SPATA22: variants seen among roughly 807,000 people sequenced by gnomAD.
SPATA22 encodes spermatogenesis associated 22.
Under a neutral mutation model 47.8 loss-of-function variants are expected in SPATA22, and 29 were observed. That is an observed-to-expected ratio of 0.61 (90% CI 0.45 to 0.83). The LOEUF (loss-of-function observed/expected upper bound fraction) is 0.83. Ranked by LOEUF, SPATA22 falls within the 40% of genes least tolerant of loss-of-function variation. SPATA22 has a pLI of 0.00. For missense variants in SPATA22, 410 were observed against 421.7 expected (o/e 0.97, Z 0.24); for synonymous variants, 133 against 140.9 (o/e 0.94, Z 0.40).
intron 1 of SPATA22, among the ~76,000 whole-genome samples, chr17:3,508,412 C>A (rs190900777): frequency 1.5e-4 from 23 of 151,856 alleles, no homozygotes; most frequent in South Asian, 1.0e-3. Context: ...ATATACCCAA[C>A]GGACTATAAA....
At chr17:3,471,855 A>C (rs1028821036), upstream of SPATA22, 4 of 985,488 alleles carry the variant, frequency 4.1e-6, no homozygotes, top group Non-Finnish European at 4.8e-6. Context: ...GCGCAGGCGC[A>C]GTGGCCGCCA....
At chr17:3,498,554 C>A (rs2073946461) in intron 1 of SPATA22, among the ~76,000 whole-genome samples, 1 of 152,016 alleles carries the variant, frequency 6.6e-6, no homozygotes, top group Admixed American at 6.6e-5. Flanking sequence ...TCTGTGTTGC[C>A]CAGGCTGGTT....
intron 1 of SPATA22, among the ~76,000 whole-genome samples, chr17:3,505,760 T>G (rs866580807): frequency 3.0e-4 from 7 of 23,646 alleles, no homozygotes; most frequent in Non-Finnish European, 1.7e-3. Context: ...TTTTTTGTTT[T>G]TTTTTTTTTG....
At chr17:3,443,493 T>G (rs11657154) in intron 7 of SPATA22, among the ~76,000 whole-genome samples, 48,515 of 151,882 alleles carry the variant, frequency 0.32, 10,344 homozygotes, top group Non-Finnish European at 0.48. Flanking sequence ...ACAGATTATA[T>G]GCCAAGCTCA....
intron 3 of SPATA22, among the ~76,000 whole-genome samples, chr17:3,464,875 T>C (rs1241198817): frequency 2.1e-5 from 2 of 95,396 alleles, no homozygotes; most frequent in Admixed American, 9.5e-5. Flanking sequence ...AGCCACCCCG[T>C]CTGGGAGGGG....
At chr17:3,508,866 A>G (rs1320295223) in intron 1 of SPATA22, among the ~76,000 whole-genome samples, 2 of 145,708 alleles carry the variant, frequency 1.4e-5, no homozygotes, top group Non-Finnish European at 3.0e-5. Flanking sequence ...TAACCTGCAC[A>G]TCGTACACAT....
intron 5 of SPATA22, among the ~76,000 whole-genome samples, chr17:3,455,633 C>A (rs2072971738): frequency 7.0e-6 from 1 of 142,276 alleles, no homozygotes; most frequent in Non-Finnish European, 1.5e-5. Flanking sequence ...TCTGAGGGCT[C>A]TGTTCTGTTC....
exon 1 of SPATA22, chr17:3,513,678 G>T (rs2074142995): frequency 2.3e-6 from 1 of 440,596 alleles, no homozygotes; most frequent in Non-Finnish European, 4.0e-6. Context: ...GACTGCTGCT[G>T]GCTGTAGGTT....
chr17:3,462,873 A>C, intron 3 of SPATA22, 106 bp from the exon 4 acceptor site: 1 of 882,414 alleles, frequency 1.1e-6, no homozygotes, highest in Non-Finnish European at 1.8e-6. Flanking sequence ...TGAAGAAGAA[A>C]AAACTTGAAT....
chr17:3,500,897 T>G (rs1266477611), intron 1 of SPATA22: 1 of 152,062 alleles, frequency 6.6e-6, no homozygotes, highest in Non-Finnish European at 1.5e-5. Flanking sequence ...CACATCTGTT[T>G]GCGGCATGGT....
At chr17:3,447,784 G>A (rs1567593335) in intron 6 of SPATA22, among the ~76,000 whole-genome samples, 2 of 152,156 alleles carry the variant, frequency 1.3e-5, no homozygotes, top group Non-Finnish European at 2.9e-5. Context: ...TGCTGGTGAT[G>A]TAACATTTAA....
At position 3,448,829 on chromosome 17, in the gene SPATA22, A is replaced by G; in HGVS notation, c.650T>C (p.Ile217Thr). ...TACCTTCAGGGTGTTGTCTTCTGGA[A>G]TATCATCCAACATTTGTTTCTTATA... ...NQYKKQMLDD[I>T]PEDNTLKETS... The change falls in exon 6 of 9, where the codon ATT becomes ACT. Residue 217 changes from isoleucine (I) to threonine (T), a missense_variant. By Grantham distance (89) the Ile-to-Thr change is moderately conservative (BLOSUM62 -1). Transcript: ENST00000572969. The G allele has an allele frequency of 6.2e-7, 1 of 1,607,942 alleles. No individual in the cohort carries two copies. The highest frequency in any genetic ancestry group is 1.3e-5 in the African/African-American group (1 of 74,818).
chr17:3,454,584 A>G (rs1255301066), intron 5 of SPATA22, among the ~76,000 whole-genome samples: 5 of 152,016 alleles, frequency 3.3e-5, no homozygotes. Flanking sequence ...TTTACTGAGA[A>G]TGATGATTTC....
At chr17:3,480,137 G>A (rs1027075640) in intron 1 of SPATA22, among the ~76,000 whole-genome samples, 7 of 152,192 alleles carry the variant, frequency 4.6e-5, no homozygotes, top group Non-Finnish European at 7.3e-5. Flanking sequence ...GCTCATACTT[G>A]TAATTCCAGC....
At chr17:3,477,419 A>T (rs1389870851) in intron 1 of SPATA22, among the ~76,000 whole-genome samples, 2 of 152,196 alleles carry the variant, frequency 1.3e-5, no homozygotes, top group African/African-American at 4.8e-5. Context: ...TGTGGATATA[A>T]TATGACTCCA....
intron 1 of SPATA22, chr17:3,494,400 G>A (rs1567617476): frequency 1.9e-6 from 3 of 1,613,286 alleles, no homozygotes; most frequent in East Asian, 2.2e-5. Context: ...TATAGAGAAA[G>A]TTGATTACCC....
intron 5 of SPATA22, among the ~76,000 whole-genome samples, chr17:3,451,668 G>A (rs960012894): frequency 5.3e-5 from 8 of 152,108 alleles, no homozygotes; most frequent in African/African-American, 1.7e-4. Flanking sequence ...GGAAAAATTC[G>A]CCAGGCATGG....
chr17:3,509,357 G>A lies in SPATA22; in HGVS notation c.-74+4055C>T, dbSNP rs553448053. Among the ~76,000 whole-genome samples the A allele has an allele frequency of 3.6e-4, 54 of 151,962 alleles. 1 individual carries two copies. The South Asian group carries it at 7.3e-3, about 20-fold the overall frequency. On this transcript the variant is annotated intron_variant, in intron 1 of 8. Transcript: ENST00000541913. ...ACAGGCCCTGGTGTGTGTTGTTCCC[G>A]TCTCTGTGTCCATATGTTCTCAATG...
chr17:3,453,377 A>G (rs2072907780), intron 5 of SPATA22, among the ~76,000 whole-genome samples: 1 of 152,192 alleles, frequency 6.6e-6, no homozygotes, highest in Admixed American at 6.5e-5. Flanking sequence ...ACGCAAATCA[A>G]TCAATGTTAT....
Sources: gnomAD v4.1 joint callset for allele counts (sites outside exome capture counted in the v4.1 genomes callset) on GRCh38, gnomAD v4.1.1 for gene constraint, MANE v1.5 for transcripts, NCBI Gene and HGNC (gene_info 2026-07-23, HGNC 2026-07-21) for gene names.